CDK6: variants seen among roughly 807,000 people sequenced by gnomAD.
CDK6 encodes cyclin dependent kinase 6.
CDK6 carries 6 observed loss-of-function variants against 37.1 expected under a neutral mutation model. That is an observed-to-expected ratio of 0.16 (90% CI 0.09 to 0.32). The LOEUF (loss-of-function observed/expected upper bound fraction) is 0.32, where lower values mean the gene tolerates loss of function less well. Ranked by LOEUF, CDK6 falls within the 10% of genes least tolerant of loss-of-function variation. The pLI is 1.00. For missense variants in CDK6, 224 were observed against 418.9 expected (o/e 0.53, Z 4.06); for synonymous variants, 160 against 161.3 (o/e 0.99, Z 0.06).
intron 3 of CDK6, among the ~76,000 whole-genome samples, chr7:92,770,550 G>GT (rs912623274): frequency 6.6e-6 from 1 of 152,070 alleles, no homozygotes; most frequent in Non-Finnish European, 1.5e-5. Flanking sequence ...TTATGGTGTG[G>GT]TTTAATGTCT....
chr7:92,803,090 T>A (rs1158590109), intron 2 of CDK6, among the ~76,000 whole-genome samples: 1 of 152,250 alleles, frequency 6.6e-6, no homozygotes, highest in Non-Finnish European at 1.5e-5. Flanking sequence ...ACTTCTTGTA[T>A]AATAACTAAT....
intron 5 of CDK6, among the ~76,000 whole-genome samples, chr7:92,662,605 C>T (rs1796864526): frequency 6.6e-6 from 1 of 152,098 alleles, no homozygotes; most frequent in African/African-American, 2.4e-5. Context: ...TCACTAAATG[C>T]TTGTGTATAG....
chr7:92,784,135 G>C (rs1800065130), intron 2 of CDK6, among the ~76,000 whole-genome samples: 1 of 152,130 alleles, frequency 6.6e-6, no homozygotes, highest in Non-Finnish European at 1.5e-5. Context: ...AATGCGATTT[G>C]TTGTCTTGCA....
At chr7:92,714,161 G>A (rs904251640) in intron 4 of CDK6, among the ~76,000 whole-genome samples, 3 of 152,196 alleles carry the variant, frequency 2.0e-5, no homozygotes, top group Admixed American at 1.3e-4. Flanking sequence ...CAAATCAAAA[G>A]TGCACGGGAG....
intron 4 of CDK6, among the ~76,000 whole-genome samples, chr7:92,683,714 G>A (rs943124286): frequency 6.6e-6 from 1 of 152,118 alleles, no homozygotes; most frequent in Non-Finnish European, 1.5e-5. Context: ...TGTGGTGGGG[G>A]GGGGGTCCCC....
At chr7:92,666,605 A>G (rs761352418) in intron 5 of CDK6, among the ~76,000 whole-genome samples, 13 of 152,226 alleles carry the variant, frequency 8.5e-5, no homozygotes, top group South Asian at 2.1e-4. Flanking sequence ...TTGGTCAACA[A>G]TGAATGAACC....
intron 5 of CDK6, among the ~76,000 whole-genome samples, chr7:92,658,767 T>A (rs890800277): frequency 2.6e-5 from 4 of 152,202 alleles, no homozygotes; most frequent in African/African-American, 7.2e-5. Flanking sequence ...TAAATTTTTT[T>A]AAAATTAAAT....
rs746368225 is a variant in CDK6 at position 92,833,034 on chromosome 7, C to T, written c.233+57G>A. ...TTTCTGGGCCTGAGGATTCCCGGCT[C>T]GGCCCTCCCCGCGCGCGCGAGGCCC... On this transcript the variant is annotated intron_variant, in intron 2 of 7. Coordinates refer to ENST00000424848, the MANE Select transcript of CDK6 (RefSeq NM_001145306.2). This position sits in a 1 kb window ranked among gnomAD's most constrained non-coding sequence, Gnocchi z 6.1. 9.5e-5 allele frequency: 120 copies of T among 1,269,006 alleles called. No homozygotes were observed. The highest frequency in any genetic ancestry group is 1.3e-4 in the Non-Finnish European group (119 of 914,480). The allele number at this position is 1,269,006 out of a possible 1,614,324, so 78.6% of individuals were successfully genotyped here.
At chr7:92,789,746 T>C (rs1312023934) in intron 2 of CDK6, among the ~76,000 whole-genome samples, 5 of 152,214 alleles carry the variant, frequency 3.3e-5, no homozygotes, top group Non-Finnish European at 5.9e-5. Context: ...ATATGGAAAC[T>C]TATTGAATCC....
intron 3 of CDK6, among the ~76,000 whole-genome samples, chr7:92,764,590 C>T (rs190539174): frequency 3.4e-4 from 52 of 152,324 alleles, no homozygotes; most frequent in Middle Eastern, 3.4e-3. Flanking sequence ...ATCAATCTTT[C>T]AGGACAATTT....
At chr7:92,749,635 T>C (rs1284482564) in intron 3 of CDK6, among the ~76,000 whole-genome samples, 1 of 152,222 alleles carries the variant, frequency 6.6e-6, no homozygotes, top group Non-Finnish European at 1.5e-5. Flanking sequence ...TTTCCACTTA[T>C]ATCTCATAGG....
At chr7:92,761,138 T>C (rs1799446549) in intron 3 of CDK6, among the ~76,000 whole-genome samples, 1 of 152,164 alleles carries the variant, frequency 6.6e-6, no homozygotes, top group African/African-American at 2.4e-5. Context: ...GTTTTATTTA[T>C]AATATTTTCA....
chr7:92,616,664 G>A (rs186196065), intron 7 of CDK6, among the ~76,000 whole-genome samples: 2 of 152,188 alleles, frequency 1.3e-5, no homozygotes, highest in South Asian at 2.1e-4. Flanking sequence ...AAATTAGGTA[G>A]TGGCATTTAA....
intron 4 of CDK6, among the ~76,000 whole-genome samples, chr7:92,724,477 G>A (rs1393185084): frequency 6.6e-6 from 1 of 152,132 alleles, no homozygotes; most frequent in Non-Finnish European, 1.5e-5. Flanking sequence ...CCCCTATTTT[G>A]ACTGGGGGCA....
At position 92,610,279 on chromosome 7, in the gene CDK6, C is replaced by CT. The variant is rs1184116232; in HGVS notation, c.*4860dup. 8.6e-6 allele frequency: 2 copies of CT among 232,120 alleles called. No individual in the cohort carries two copies. Among genetic ancestry groups the CT allele is most frequent in the Non-Finnish European group, 1.7e-5 (2 of 117,502 alleles). 14.4% of individuals were successfully genotyped at this position (232,120 alleles called of 1,614,324 possible). A position where few individuals can be genotyped will look rare whatever the true frequency, so the allele number is the denominator to read the frequency against. Reference sequence around the variant, plus strand: ...TTTTCAGGTGGCTCTTGTTTTCTTCCTAAGGCTAGACAAGGTAACAATATG... The same window carrying CT: ...TTTTCAGGTGGCTCTTGTTTTCTTCCTTAAGGCTAGACAAGGTAACAATATG... On this transcript the variant is annotated 3_prime_UTR_variant, in exon 8 of 8. Coordinates refer to ENST00000424848, the MANE Select transcript of CDK6 (RefSeq NM_001145306.2).
At chr7:92,717,920 C>T (rs184997843) in intron 4 of CDK6, among the ~76,000 whole-genome samples, 3 of 152,268 alleles carry the variant, frequency 2.0e-5, no homozygotes, top group East Asian at 3.9e-4. Flanking sequence ...TTGCCTTCAC[C>T]GTGGAGGCAG....
At chr7:92,680,530 AAGG>A (rs1323854362) in intron 4 of CDK6, among the ~76,000 whole-genome samples, 1 of 151,890 alleles carries the variant, frequency 6.6e-6, no homozygotes, top group African/African-American at 2.4e-5. Flanking sequence ...TAAGGGCTAG[AAGG>A]AGATGTTTTG....
At chr7:92,756,752 G>A (rs1799328708) in intron 3 of CDK6, among the ~76,000 whole-genome samples, 1 of 152,148 alleles carries the variant, frequency 6.6e-6, no homozygotes, top group South Asian at 2.1e-4. Flanking sequence ...AAAGGGACAG[G>A]CAATCTATCT....
chr7:92,823,564 G>A (rs1279272386), intron 2 of CDK6, among the ~76,000 whole-genome samples: 1 of 150,168 alleles, frequency 6.7e-6, no homozygotes, highest in East Asian at 2.0e-4. Flanking sequence ...GTCCCTTCTA[G>A]CCCCAATCTC....
Sources: allele counts gnomAD v4.1 joint callset (sites outside exome capture counted in the v4.1 genomes callset), GRCh38; gene constraint gnomAD v4.1.1; non-coding constraint Gnocchi (gnomAD v3.1); transcripts MANE v1.5; gene names NCBI Gene and HGNC (gene_info 2026-07-23, HGNC 2026-07-21).